NKIRAS1: variants seen among roughly 807,000 people sequenced by gnomAD.
NKIRAS1 encodes NF-kappa-B inhibitor-interacting Ras-like protein 1.
Under a neutral mutation model 19.8 loss-of-function variants are expected in NKIRAS1, and 16 were observed. The ratio of observed to expected loss-of-function variants is 0.81; its 90% confidence interval spans 0.55 to 1.23. NKIRAS1 has a LOEUF of 1.23. Among genes scored for constraint, NKIRAS1 ranks in the 50% most tolerant of loss-of-function variants. NKIRAS1 has a pLI of 0.00. For missense variants in NKIRAS1, 184 were observed against 220.0 expected, an observed-to-expected ratio of 0.84 and a Z score of 1.04; for synonymous variants, 88 against 79.0, an observed-to-expected ratio of 1.11 and a Z score of -0.61.
chr3:23,907,461 C>A (rs1159375738), intron 3 of NKIRAS1, among the ~76,000 whole-genome samples: 1 of 152,200 alleles, frequency 6.6e-6, no homozygotes, highest in Non-Finnish European at 1.5e-5. Flanking sequence ...GCCAGCAGCT[C>A]TCCAACTGTG....
At chr3:23,945,832 C>A (rs948267211) in intron 1 of NKIRAS1, among the ~76,000 whole-genome samples, 17 of 150,864 alleles carry the variant, frequency 1.1e-4, no homozygotes, top group South Asian at 2.1e-4. Context: ...CCGGCCCCCC[C>A]CTCACATGGC....
At chr3:23,907,503 G>T (rs750824219) in intron 3 of NKIRAS1, among the ~76,000 whole-genome samples, 3 of 152,170 alleles carry the variant, frequency 2.0e-5, no homozygotes, top group East Asian at 3.8e-4. Context: ...TCCTTTCAGG[G>T]GACCCACATG....
In NKIRAS1 at chr3:23,916,980, G is replaced by A. The variant is rs569577408; in HGVS notation, c.-336C>T. 1.3e-5 allele frequency: 2 copies of A among 152,792 alleles called. No individual in the cohort carries two copies. The highest frequency in any genetic ancestry group is 6.5e-5 in the Admixed American group (1 of 15,310). The allele number at this position is 152,792 out of a possible 1,614,324, so 9.5% of individuals were successfully genotyped here. On this transcript the variant is annotated 5_prime_UTR_variant, in exon 1 of 5. Transcript: ENST00000425478. ...CAGGCTCGAATCTTGCGGAGCAGGG[G>A]GCGGGACAATAGCGGCCGCGGCGCC...
Position 23,945,575 on chromosome 3 carries a change from C to G in NKIRAS1, c.-140+748G>C, listed in dbSNP as rs1352640540. 2.6e-6 allele frequency: 3 copies of G among 1,171,440 alleles called. No individual in the cohort carries two copies. The African/African-American group carries it at 4.9e-5, about 19-fold the overall frequency. 72.6% of individuals were successfully genotyped at this position (1,171,440 alleles called of 1,614,324 possible). ...GCGGCCCCGGCCGCCTCCGCGAGGG[C>G]ACCATGGAGGTGAATGCAGGTAAGA... On this transcript the variant is annotated intron_variant, in intron 1 of 4. Coordinates refer to the NKIRAS1 transcript ENST00000421515.
chr3:23,893,225 G>C lies in NKIRAS1; in HGVS notation c.449C>G (p.Thr150Ser). Residue 150 changes from threonine to serine, a missense_variant, in exon 5 of 5, where the codon ACT (threonine) becomes AGT (serine). Thr to Ser is a moderately conservative substitution (Grantham distance 58). Transcript: ENST00000425478. ...AATCAGAGTTTTCCGATCTGTAACA[G>C]TCACCTCCCACAGTCTTACTTTCTC... ...KSEKVRLWEV[T>S]VTDRKTLIEP... is the part of the protein sequence containing the mutation. 1 of 1,614,136 alleles carries C rather than the reference G, an allele frequency of 6.2e-7. No homozygotes were observed. The highest frequency in any genetic ancestry group is 8.5e-7 in the Non-Finnish European group (1 of 1,180,020).
chr3:23,903,638 T>TA (rs1221055979), intron 3 of NKIRAS1, among the ~76,000 whole-genome samples: 3 of 151,548 alleles, frequency 2.0e-5, no homozygotes, highest in Non-Finnish European at 4.4e-5. Context: ...GGCTGGAAAA[T>TA]AAAGATAAGA....
rs1559515824 is a variant in NKIRAS1, at chr3:23,931,727, AG to A, written c.-140+14595del. Among the ~76,000 whole-genome samples, 13 of 152,222 alleles carry A rather than the reference AG, an allele frequency of 8.5e-5. No individual in the cohort carries two copies. In the East Asian group the frequency reaches 1.9e-3, roughly 23 times the overall value. ...GGAAAGGAAGGAGAGAGAGAGAGAG[AG>A]AGAGAGAGAAAGAAAGGTAGAGAAG... is the stretch of plus-strand genomic sequence containing the variant. On this transcript the variant is annotated intron_variant, in intron 1 of 4. Coordinates refer to the NKIRAS1 transcript ENST00000421515.
chr3:23,906,510 T>A (rs1331655859), intron 3 of NKIRAS1, among the ~76,000 whole-genome samples: 1 of 152,228 alleles, frequency 6.6e-6, no homozygotes, highest in African/African-American at 2.4e-5. Context: ...TTCTTTCTCC[T>A]CTGCCACCTG....
chr3:23,937,248 G>A (rs1288326845), intron 1 of NKIRAS1, among the ~76,000 whole-genome samples: 1 of 152,076 alleles, frequency 6.6e-6, no homozygotes, highest in Non-Finnish European at 1.5e-5. Flanking sequence ...GCGTGTGCCT[G>A]TAGTCCCAGC....
At chr3:23,925,637 A>AAAATAAATAAATAAAT (rs146116439) in intron 1 of NKIRAS1, among the ~76,000 whole-genome samples, 2 of 151,338 alleles carry the variant, frequency 1.3e-5, no homozygotes, top group African/African-American at 2.4e-5. Context: ...CTGTCTCAAA[A>AAAATAAATAAATAAAT]AAATAAATAA....
intron 1 of NKIRAS1, chr3:23,946,023 GGGCGGGGGCGCGCGCGCGCGCGCT>G (rs1705681916): frequency 2.5e-6 from 2 of 813,068 alleles, no homozygotes; most frequent in South Asian, 5.5e-5. Context: ...GGACACGTGG[GGGCGGGGGCGCGCGCGCGCGCGCT>G]GGCTGGGAGC....
rs1701461309 is a variant in NKIRAS1, at chr3:23,891,476, A to C, written c.*1619T>G. Among the ~76,000 whole-genome samples the C allele has an allele frequency of 6.6e-6, 1 of 152,204 alleles. No homozygotes were observed. The highest frequency in any genetic ancestry group is 1.5e-5 in the Non-Finnish European group (1 of 68,024). ...GGATCTGTACTTTACACAGCTGTAGATGAGGTATCCTAGAAAAGGTTAAAT... is the reference window on the plus strand; with the variant it reads ...GGATCTGTACTTTACACAGCTGTAGCTGAGGTATCCTAGAAAAGGTTAAAT... On this transcript the variant is annotated 3_prime_UTR_variant, in exon 5 of 5. Coordinates refer to ENST00000425478, the MANE Select transcript of NKIRAS1 (RefSeq NM_020345.4).
chr3:23,924,528 C>A (rs1308941195), intron 1 of NKIRAS1, among the ~76,000 whole-genome samples: 1 of 152,122 alleles, frequency 6.6e-6, no homozygotes, highest in Non-Finnish European at 1.5e-5. Context: ...CCTCAGCCTC[C>A]CAAGTAGCTG....
rs774116478 is a variant in NKIRAS1 at position 23,893,088 on chromosome 3, C to T, written c.*7G>A. 4.5e-6 allele frequency: 7 copies of T among 1,539,002 alleles called. No homozygotes were observed. Among genetic ancestry groups the T allele is most frequent in the Non-Finnish European group, 6.1e-6 (7 of 1,147,380 alleles). On this transcript the variant is annotated 3_prime_UTR_variant, in exon 5 of 5. Coordinates refer to ENST00000425478, the MANE Select transcript of NKIRAS1 (RefSeq NM_020345.4). Reference sequence around the variant, plus strand: ...ATTCAACATACAATTGTGGAAATTACTGATTTTTAGTTCTCAGAATTAGAG... The same window carrying T: ...ATTCAACATACAATTGTGGAAATTATTGATTTTTAGTTCTCAGAATTAGAG...
At position 23,905,399 on chromosome 3, in the gene NKIRAS1, A is replaced by G. The variant is rs72627075; in HGVS notation, c.95-4350T>C. 3.6e-3 allele frequency among the ~76,000 whole-genome samples: 542 copies of G among 152,288 alleles called. 16 individuals carry two copies. In the East Asian group the frequency reaches 0.049, roughly 14 times the overall value. On this transcript the variant is annotated intron_variant, in intron 3 of 4. Coordinates refer to ENST00000425478, the MANE Select transcript of NKIRAS1 (RefSeq NM_020345.4). ...TGAAGGTTTGTCTTATAATTATTAAACCATATATGCAATGCTTTCAAAATT... is the reference window on the plus strand; with the variant it reads ...TGAAGGTTTGTCTTATAATTATTAAGCCATATATGCAATGCTTTCAAAATT...
chr3:23,916,212 G>C (rs1055112685), intron 1 of NKIRAS1: 24 of 152,044 alleles, frequency 1.6e-4, no homozygotes, highest in African/African-American at 5.8e-4. Context: ...ACATCTGAAC[G>C]CATAATCTGG....
chr3:23,943,026 AT>A (rs572634965), intron 1 of NKIRAS1, among the ~76,000 whole-genome samples: 48 of 152,300 alleles, frequency 3.2e-4, no homozygotes, highest in African/African-American at 1.1e-3. Context: ...AAGTGCTGGG[AT>A]TACAGGTGTG....
At chr3:23,898,062 G>A (rs79519960) in intron 4 of NKIRAS1, among the ~76,000 whole-genome samples, 2 of 152,154 alleles carry the variant, frequency 1.3e-5, no homozygotes, top group Admixed American at 1.3e-4. Flanking sequence ...TATCTAGTAC[G>A]TGAGTGTTCA....
intron 3 of NKIRAS1, among the ~76,000 whole-genome samples, chr3:23,902,469 G>A (rs1702613072): frequency 6.6e-6 from 1 of 152,082 alleles, no homozygotes; most frequent in Non-Finnish European, 1.5e-5. Flanking sequence ...CATAAATTAA[G>A]CCCTAAGGAA....
Sources: gnomAD v4.1 joint callset for allele counts (sites outside exome capture counted in the v4.1 genomes callset) on GRCh38, gnomAD v4.1.1 for gene constraint, MANE v1.5 for transcripts, NCBI Gene and HGNC (gene_info 2026-07-23, HGNC 2026-07-21) for gene names.